The following RNF180 variants were observed in gnomAD, a reference collection of about 807,000 sequenced individuals.
RNF180 encodes the protein E3 ubiquitin-protein ligase RNF180.
In RNF180, 38 loss-of-function variants were observed where a neutral mutation model predicts 59.2. The ratio of observed to expected loss-of-function variants is 0.64; its 90% CI spans 0.50 to 0.84. The LOEUF (loss-of-function observed/expected upper bound fraction) is 0.84. RNF180 is among the 40% of genes least tolerant of loss of function. RNF180 has a pLI of 0.00. For missense variants in RNF180, 705 were observed against 700.9 expected, an observed-to-expected ratio of 1.01 and a Z score of -0.07; for synonymous variants, 262 against 240.3, an observed-to-expected ratio of 1.09 and a Z score of -0.84.
At chr5:64,189,907 A>G (rs1382091097) in intron 1 of RNF180, among the ~76,000 whole-genome samples, 1 of 152,210 alleles carries the variant, frequency 6.6e-6, no homozygotes, top group Admixed American at 6.5e-5. Flanking sequence ...GAAAAGGACC[A>G]TAGGCCTATC....
chr5:64,367,929 T>C (rs1746512843), intron 7 of RNF180, among the ~76,000 whole-genome samples: 1 of 151,698 alleles, frequency 6.6e-6, no homozygotes, highest in African/African-American at 2.4e-5. Context: ...TTCAGAGAAT[T>C]GAATTTTGTT....
At chr5:64,319,650 C>G (rs1744242956) in intron 5 of RNF180, among the ~76,000 whole-genome samples, 1 of 152,158 alleles carries the variant, frequency 6.6e-6, no homozygotes, top group Non-Finnish European at 1.5e-5. Flanking sequence ...TGGCTGAGGT[C>G]ATAAGTACAT....
chr5:64,346,073 A>G (rs1043914908), intron 7 of RNF180, among the ~76,000 whole-genome samples: 17 of 152,116 alleles, frequency 1.1e-4, no homozygotes, highest in African/African-American at 3.6e-4. Context: ...ATACTAATAA[A>G]GAGGTAAAGA....
chr5:64,279,150 GT>G (rs1481149452), intron 5 of RNF180, among the ~76,000 whole-genome samples: 1 of 152,128 alleles, frequency 6.6e-6, no homozygotes, highest in Non-Finnish European at 1.5e-5. Context: ...AAAACAAAGA[GT>G]TAGAAGCTAA....
chr5:64,224,025 T>C (rs1045407805), intron 5 of RNF180, among the ~76,000 whole-genome samples: 1 of 151,898 alleles, frequency 6.6e-6, no homozygotes, highest in Non-Finnish European at 1.5e-5. Flanking sequence ...CAAGCATGAT[T>C]GGCTCTGTTA....
intron 5 of RNF180, among the ~76,000 whole-genome samples, chr5:64,282,338 T>A (rs1324318231): frequency 6.6e-6 from 1 of 152,144 alleles, no homozygotes; most frequent in Non-Finnish European, 1.5e-5. Flanking sequence ...TGCATAGAGG[T>A]GTTTGTAATA....
intron 5 of RNF180, among the ~76,000 whole-genome samples, chr5:64,290,730 A>G (rs750992474): frequency 5.3e-5 from 8 of 152,018 alleles, no homozygotes; most frequent in Non-Finnish European, 1.0e-4. Context: ...TGTCTTGGTA[A>G]AATTTCCTCC....
intron 1 of RNF180, among the ~76,000 whole-genome samples, chr5:64,184,685 A>T (rs891078361): frequency 1.1e-4 from 16 of 152,204 alleles, no homozygotes; most frequent in African/African-American, 2.9e-4. Flanking sequence ...TGAGCCAAAG[A>T]CTTCCAAACT....
chr5:64,201,119 T>G (rs1348777616), intron 2 of RNF180, among the ~76,000 whole-genome samples, 177 bp downstream of exon 2: 1 of 152,238 alleles, frequency 6.6e-6, no homozygotes, highest in Non-Finnish European at 1.5e-5. Context: ...AAAATGGTAT[T>G]CAAAAAGCAT....
chr5:64,371,991 A>C lies in RNF180; in HGVS notation c.*2177A>C, dbSNP rs1746672255. On this transcript the variant is annotated 3_prime_UTR_variant, in exon 8 of 8. Coordinates refer to ENST00000389100, the MANE Select transcript of RNF180 (RefSeq NM_001113561.2). Reference sequence around the variant, plus strand: ...AATGCTCTTCCTAAGCATCTCTCACAGTAAAAACTCACTGTCCAATAAAGA... The same window carrying C: ...AATGCTCTTCCTAAGCATCTCTCACCGTAAAAACTCACTGTCCAATAAAGA... 1 of 151,728 alleles carries C rather than the reference A, an allele frequency of 6.6e-6. No homozygotes were observed. Among genetic ancestry groups the C allele is most frequent in the African/African-American group, 2.4e-5 (1 of 41,398 alleles). 9.4% of individuals were successfully genotyped at this position (151,728 alleles called of 1,614,324 possible).
chr5:64,369,585 T>C (rs1408014298), intron 7 of RNF180, 30 bp from the exon 8 acceptor site: 13 of 1,363,676 alleles, frequency 9.5e-6, no homozygotes, highest in African/African-American at 1.5e-5. Flanking sequence ...TTGAATTTAA[T>C]GGGCTTTAAT....
chr5:64,173,717 C>CTTTTTTT (rs113698456), intron 1 of RNF180, among the ~76,000 whole-genome samples: 2 of 140,066 alleles, frequency 1.4e-5, no homozygotes. Flanking sequence ...ATAGCATCAA[C>CTTTTTTT]TTTTTTTTTT....
intron 5 of RNF180, among the ~76,000 whole-genome samples, chr5:64,260,716 C>G (rs988248149): frequency 2.0e-5 from 3 of 152,152 alleles, no homozygotes; most frequent in Admixed American, 6.6e-5. Context: ...GGTTCTACAA[C>G]TAACTGGCTG....
chr5:64,165,571 A>T (rs1749577292), upstream of RNF180, among the ~76,000 whole-genome samples: 1 of 152,206 alleles, frequency 6.6e-6, no homozygotes, highest in Non-Finnish European at 1.5e-5. Context: ...GACCACAGGG[A>T]TAATTTCTGT....
intron 1 of RNF180, among the ~76,000 whole-genome samples, chr5:64,179,668 G>A (rs1021967047): frequency 1.6e-4 from 25 of 151,938 alleles, no homozygotes; most frequent in Admixed American, 1.3e-3. Context: ...TGCACATTTG[G>A]GTTGTTTCCA....
intron 7 of RNF180, among the ~76,000 whole-genome samples, chr5:64,348,300 G>A (rs899137265): frequency 5.9e-5 from 9 of 151,940 alleles, no homozygotes; most frequent in Non-Finnish European, 2.9e-5. Context: ...AAAAGCTATA[G>A]GATAATTTCT....
rs771725485 is a variant in RNF180, at chr5:64,213,890, A to G, written c.564A>G (p.Pro188=). 2.5e-6 allele frequency: 4 copies of G among 1,614,126 alleles called. No homozygotes were observed. Among genetic ancestry groups the G allele is most frequent in the Middle Eastern group, 1.6e-4 (1 of 6,062 alleles). Residue 188 remains proline, a synonymous_variant, in exon 4 of 8, where the codon CCA becomes CCG. Transcript: ENST00000389100. ...LTEALCLEVR[P]TYFEMKNEKL... ...AAGCACTCTGCCTGGAGGTGCGACC[A>G]ACATATTTTGAGATGAAGAACGAAA...
At chr5:64,230,900 G>C (rs553412698) in intron 5 of RNF180, among the ~76,000 whole-genome samples, 9 of 152,214 alleles carry the variant, frequency 5.9e-5, no homozygotes, top group South Asian at 4.1e-4. Context: ...ATGGGTTCTA[G>C]GAGGTATAAT....
At chr5:64,227,051 C>T (rs571993093) in intron 5 of RNF180, among the ~76,000 whole-genome samples, 1 of 152,326 alleles carries the variant, frequency 6.6e-6, no homozygotes, top group South Asian at 2.1e-4. Context: ...TCACACTGTA[C>T]CCTTCAGAAG....
Sources: allele counts gnomAD v4.1 joint callset (sites outside exome capture counted in the v4.1 genomes callset), GRCh38; gene constraint gnomAD v4.1.1; transcripts MANE v1.5; gene names NCBI Gene and HGNC (gene_info 2026-07-23, HGNC 2026-07-21).